Variants in HM13 observed in about 807,000 individuals in gnomAD.
HM13 encodes the protein signal peptide peptidase.
In HM13, 18 loss-of-function variants were observed where a neutral mutation model predicts 50.0. The observed-to-expected ratio is 0.36, with a 90% CI of 0.25 to 0.53. The LOEUF (loss-of-function observed/expected upper bound fraction) is 0.53. Among genes scored for constraint, HM13 ranks in the 20% least tolerant of loss-of-function variants. HM13 has a pLI of 0.90. For missense variants in HM13, 393 were observed against 552.4 expected (o/e 0.71, Z 2.89); for synonymous variants, 197 against 232.6 (o/e 0.85, Z 1.39).
chr20:31,519,829 G>A (rs375263907), intron 1 of HM13, among the ~76,000 whole-genome samples: 1 of 149,004 alleles, frequency 6.7e-6, no homozygotes, highest in Non-Finnish European at 1.5e-5. Flanking sequence ...TTGGTGGGTC[G>A]AAGGCTATGC....
chr20:31,536,864 T>C (rs1476632199), intron 2 of HM13, among the ~76,000 whole-genome samples: 1 of 152,236 alleles, frequency 6.6e-6, no homozygotes, highest in Admixed American at 6.5e-5. Flanking sequence ...TGGTTTGCTT[T>C]TCTTAGTGCC....
At chr20:31,545,173 T>C in intron 4 of HM13, 138 bp downstream of exon 4, 1 of 702,144 alleles carries the variant, frequency 1.4e-6, no homozygotes, top group South Asian at 1.6e-5. Context: ...GGATTCACAT[T>C]CCAACTCTGC....
At chr20:31,521,543 C>T (rs746025461) in intron 1 of HM13, among the ~76,000 whole-genome samples, 6 of 152,086 alleles carry the variant, frequency 3.9e-5, no homozygotes, top group Non-Finnish European at 8.8e-5. Context: ...TCCTGACTAA[C>T]ATGGTGAAAC....
intron 11 of HM13, among the ~76,000 whole-genome samples, chr20:31,567,476 G>C (rs573133965): frequency 4.6e-4 from 70 of 151,676 alleles, no homozygotes; most frequent in Non-Finnish European, 8.7e-4. Context: ...TCCCACCCTG[G>C]ACATTCTTAG....
intron 3 of HM13, 74 bp from the exon 4 acceptor site, chr20:31,544,873 A>G: frequency 3.4e-6 from 4 of 1,174,970 alleles, no homozygotes; most frequent in African/African-American, 1.5e-5. Context: ...CCAGCTGTAA[A>G]TGGGGCAGGG....
At chr20:31,548,129 C>T (rs1600651663) in intron 4 of HM13, 4 of 925,972 alleles carry the variant, frequency 4.3e-6, no homozygotes, top group South Asian at 4.1e-5. Context: ...TGTGTGACAG[C>T]GTGAATACAA....
At chr20:31,534,522 G>A (rs1454110077) in intron 2 of HM13, among the ~76,000 whole-genome samples, 5 of 152,166 alleles carry the variant, frequency 3.3e-5, no homozygotes, top group African/African-American at 1.2e-4. Context: ...CGTGGCTCAC[G>A]CCTGTAATCC....
In HM13 at chr20:31,514,832, T is replaced by C; in HGVS notation, c.183+98T>C. The C allele has an allele frequency of 1.7e-6, 2 of 1,164,248 alleles. No individual in the cohort carries two copies. The highest frequency in any genetic ancestry group is 2.4e-6 in the Non-Finnish European group (2 of 850,988). 72.1% of individuals were successfully genotyped at this position (1,164,248 alleles called of 1,614,324 possible). On this transcript the variant is annotated intron_variant, in intron 1 of 12. Transcript: ENST00000398174. This position sits in a 1 kb window ranked among gnomAD's most constrained non-coding sequence, Gnocchi z 4.3. ...GGGACAGACACCTCTCCCCGGACAC[T>C]GACTCTTCCCAGCCCTGATCACCAC...
chr20:31,520,629 G>T (rs1313142601), intron 1 of HM13, among the ~76,000 whole-genome samples: 2 of 152,132 alleles, frequency 1.3e-5, no homozygotes, highest in Non-Finnish European at 2.9e-5. Flanking sequence ...AAGCAGATAC[G>T]TGATACAATC....
At chr20:31,534,644 G>A (rs769018236) in intron 2 of HM13, among the ~76,000 whole-genome samples, 18 of 152,192 alleles carry the variant, frequency 1.2e-4, no homozygotes, top group Middle Eastern at 3.4e-3. Context: ...TTAGCCAGGC[G>A]TGGTGGCACA....
At chr20:31,541,013 C>G (rs1167152999) in intron 3 of HM13, 1 of 151,398 alleles carries the variant, frequency 6.6e-6, no homozygotes, top group Non-Finnish European at 1.5e-5. Context: ...GTCTATCTGT[C>G]TTTTAGCCAC....
chr20:31,567,761 A>C (rs1241194150), intron 11 of HM13: 2 of 288,658 alleles, frequency 6.9e-6, no homozygotes, highest in Non-Finnish European at 1.3e-5. Context: ...TTTTTCTTGC[A>C]CAGACGGTGG....
At chr20:31,516,333 C>A (rs1981775257) in intron 1 of HM13, among the ~76,000 whole-genome samples, 1 of 152,192 alleles carries the variant, frequency 6.6e-6, no homozygotes, top group Non-Finnish European at 1.5e-5. Flanking sequence ...AAAACACCTT[C>A]CAGGCAACAG....
At chr20:31,529,345 A>G (rs1167727776) in intron 2 of HM13, among the ~76,000 whole-genome samples, 1 of 152,106 alleles carries the variant, frequency 6.6e-6, no homozygotes, top group East Asian at 1.9e-4. Context: ...TCCTGGGCTC[A>G]AGCGATCCTC....
chr20:31,550,106 G>C lies in HM13; in HGVS notation c.709G>C (p.Glu237Gln). ...NVMVTVAKSF[E>Q]APIKLVFPQD... The stretch of plus-strand genomic sequence containing the variant: ...GATGGTGACAGTGGCCAAGTCCTTC[G>C]AGGCACCAATAAAATGTAAGTGACC... The change falls in exon 7 of 13, where the codon GAG becomes CAG. Residue 237 changes from glutamate (E) to glutamine (Q), a missense_variant. Glu to Gln is a conservative substitution (Grantham distance 29, BLOSUM62 2). Coordinates refer to ENST00000398174, the MANE Select transcript of HM13 (RefSeq NM_178581.3). 1 of 1,613,640 alleles carries C rather than the reference G, an allele frequency of 6.2e-7. No homozygotes were observed. The highest frequency in any genetic ancestry group is 8.5e-7 in the Non-Finnish European group (1 of 1,179,818).
intron 1 of HM13, among the ~76,000 whole-genome samples, chr20:31,525,779 AAAAG>A (rs1982450139): frequency 6.6e-6 from 1 of 152,040 alleles, no homozygotes; most frequent in African/African-American, 2.4e-5. Context: ...AGAAAAAAAG[AAAAG>A]AAAGAAAAGA....
At chr20:31,559,764 G>A in intron 9 of HM13, 117 bp downstream of exon 9, 1 of 934,452 alleles carries the variant, frequency 1.1e-6, no homozygotes, top group South Asian at 1.3e-5. Context: ...AGCAGCCAGA[G>A]CAATTCTGAT....
At chr20:31,565,035 A>AG (rs964469026) in intron 10 of HM13, among the ~76,000 whole-genome samples, 4 of 151,550 alleles carry the variant, frequency 2.6e-5, no homozygotes, top group Non-Finnish European at 5.9e-5. Flanking sequence ...GCATGGTGGC[A>AG]GGCACCTGTA....
At chr20:31,522,828 C>T (rs750622562) in intron 1 of HM13, among the ~76,000 whole-genome samples, 47 of 151,668 alleles carry the variant, frequency 3.1e-4, no homozygotes, top group Non-Finnish European at 5.4e-4. Context: ...ATCCTCACAA[C>T]TTGTTTTACA....
Sources: gnomAD v4.1 joint callset for allele counts (sites outside exome capture counted in the v4.1 genomes callset) on GRCh38, gnomAD v4.1.1 for gene constraint, Gnocchi (gnomAD v3.1) non-coding constraint, MANE v1.5 for transcripts, NCBI Gene and HGNC (gene_info 2026-07-23, HGNC 2026-07-21) for gene names.